Variants in CRTC1 observed in about 807,000 individuals in gnomAD.
CRTC1 encodes CREB regulated transcription coactivator 1.
CRTC1 carries 18 observed loss-of-function variants against 66.1 expected under a neutral mutation model. The ratio of observed to expected loss-of-function variants is 0.27; its 90% CI spans 0.19 to 0.40. The LOEUF is 0.40. Among genes scored for constraint, CRTC1 ranks in the 10% least tolerant of loss-of-function variants. The pLI, the probability that CRTC1 is intolerant of heterozygous loss-of-function variation, is 1.00. For synonymous variants in CRTC1, 416 were observed against 398.8 expected (o/e 1.04, Z -0.51); for missense variants, 669 against 887.9 (o/e 0.75, Z 3.13).
In CRTC1 at chr19:18,768,805, G is replaced by A. The variant is rs1337263494; in HGVS notation, c.1320+12G>A. ...TCGACATCGCCTCGGTAAGCCCAGG[G>A]TGGGGTCCCTCGGGGCCTGACTGGG... On this transcript the variant is annotated intron_variant, in intron 10 of 13. Coordinates refer to ENST00000321949, the MANE Select transcript of CRTC1 (RefSeq NM_015321.3). This position sits in a 1 kb window ranked among gnomAD's most constrained non-coding sequence, Gnocchi z 5.6. 1.9e-6 allele frequency: 3 copies of A among 1,590,462 alleles called. No individual in the cohort carries two copies. Among genetic ancestry groups the A allele is most frequent in the Non-Finnish European group, 2.6e-6 (3 of 1,169,590 alleles).
At chr19:18,721,684 G>A (rs977223856) in intron 1 of CRTC1, among the ~76,000 whole-genome samples, 4 of 151,910 alleles carry the variant, frequency 2.6e-5, no homozygotes, top group African/African-American at 9.7e-5. Context: ...TAGTAGAGAC[G>A]GGGTCTTGCT....
intron 4 of CRTC1, 21 bp downstream of exon 4, chr19:18,747,135 C>CT (rs775512010): frequency 5.9e-6 from 5 of 853,540 alleles, no homozygotes; most frequent in South Asian, 1.3e-5. Flanking sequence ...GGACACCCCC[C>CT]CCCCGCCCCC....
intron 1 of CRTC1, among the ~76,000 whole-genome samples, chr19:18,705,687 C>T (rs2145558463): frequency 6.6e-6 from 1 of 152,292 alleles, no homozygotes; most frequent in African/African-American, 2.4e-5. Flanking sequence ...TATGTTCCTA[C>T]CAACAGTGTA....
At chr19:18,709,457 G>T (rs1450599977) in intron 1 of CRTC1, among the ~76,000 whole-genome samples, 2 of 152,202 alleles carry the variant, frequency 1.3e-5, no homozygotes, top group African/African-American at 4.8e-5. Context: ...AGAGGGAGAA[G>T]CCTCCAGGCC....
intron 4 of CRTC1, among the ~76,000 whole-genome samples, chr19:18,747,574 G>C (rs1352109483): frequency 6.6e-6 from 1 of 152,016 alleles, no homozygotes; most frequent in Non-Finnish European, 1.5e-5. Context: ...CGGAGGTTGC[G>C]GTGAGCCAAG....
chr19:18,727,967 C>T (rs1020280368), intron 1 of CRTC1, among the ~76,000 whole-genome samples: 1 of 152,142 alleles, frequency 6.6e-6, no homozygotes, highest in African/African-American at 2.4e-5. Context: ...CTCAGGTGAT[C>T]CACCCACCTC....
Position 18,712,940 on chromosome 19 carries a change from A to C in CRTC1, c.126+29112A>C, listed in dbSNP as rs1052373149. ...GTGCCACTGCACTCCAGGCTGGGTGACGGAGCAAGACTGTCTCAAAAAAAA... is the reference window on the plus strand; with the variant it reads ...GTGCCACTGCACTCCAGGCTGGGTGCCGGAGCAAGACTGTCTCAAAAAAAA... On this transcript the variant is annotated intron_variant, in intron 1 of 13. Coordinates refer to ENST00000321949, the MANE Select transcript of CRTC1 (RefSeq NM_015321.3). Among the ~76,000 whole-genome samples, 44 of 151,072 alleles carry C rather than the reference A, an allele frequency of 2.9e-4. 1 individual carries two copies. Among genetic ancestry groups the C allele is most frequent in the Admixed American group, 1.9e-3 (29 of 15,174 alleles).
chr19:18,751,622 A>G (rs1184917277), intron 5 of CRTC1, among the ~76,000 whole-genome samples: 1 of 152,314 alleles, frequency 6.6e-6, no homozygotes, highest in East Asian at 1.9e-4. Flanking sequence ...CAGAGCCTCA[A>G]TTGATGCCCA....
intron 10 of CRTC1, among the ~76,000 whole-genome samples, chr19:18,769,522 G>A (rs552758637): frequency 1.5e-3 from 221 of 152,328 alleles, no homozygotes; most frequent in Non-Finnish European, 2.6e-3. Flanking sequence ...AAGAACAGCC[G>A]CCTGAGCTGG....
chr19:18,766,359 G>A (rs547152742), intron 9 of CRTC1, among the ~76,000 whole-genome samples: 3 of 145,654 alleles, frequency 2.1e-5, no homozygotes, highest in Non-Finnish European at 4.5e-5. Flanking sequence ...GGCTGGTCTC[G>A]AACTCCTGAC....
At chr19:18,756,687 G>T (rs975822099) in intron 6 of CRTC1, among the ~76,000 whole-genome samples, 1 of 152,086 alleles carries the variant, frequency 6.6e-6, no homozygotes, top group African/African-American at 2.4e-5. Flanking sequence ...GGGTAAGTAG[G>T]CCACGGTCCA....
At chr19:18,773,685 A>G (rs908139114) in intron 11 of CRTC1, among the ~76,000 whole-genome samples, 3 of 152,286 alleles carry the variant, frequency 2.0e-5, no homozygotes, top group South Asian at 2.1e-4. Flanking sequence ...TTTAGGGCCA[A>G]GATAGCATTT....
At chr19:18,740,490 C>CT (rs2054088041) in intron 1 of CRTC1, among the ~76,000 whole-genome samples, 1 of 152,176 alleles carries the variant, frequency 6.6e-6, no homozygotes, top group East Asian at 1.9e-4. Flanking sequence ...AGATGTCAAG[C>CT]TGATGTGCCC....
rs182898569 is a variant in CRTC1, at chr19:18,753,254, C to T, written c.539-246C>T. ...TTGTGCCACTGCACTCCAGCCTGGGCGACAGAGCGAGACTCCGTCTCTAAA... is the reference window on the plus strand; with the variant it reads ...TTGTGCCACTGCACTCCAGCCTGGGTGACAGAGCGAGACTCCGTCTCTAAA... On this transcript the variant is annotated intron_variant, in intron 5 of 13. Transcript: ENST00000321949. Among the ~76,000 whole-genome samples, 359 of 150,974 alleles carry T rather than the reference C, an allele frequency of 2.4e-3. 15 individuals are homozygous for T. The East Asian group carries it at 0.06, about 25-fold the overall frequency.
At chr19:18,697,543 C>G (rs2053022333) in intron 1 of CRTC1, among the ~76,000 whole-genome samples, 1 of 152,232 alleles carries the variant, frequency 6.6e-6, no homozygotes, top group Non-Finnish European at 1.5e-5. Context: ...CTTCTGACCT[C>G]AAGTAATTCT....
At position 18,781,863 on chromosome 19, in the gene CRTC1, A is replaced by G; in HGVS notation, c.*4481A>G. The G allele has an allele frequency of 4.4e-6, 1 of 229,844 alleles. No individual in the cohort carries two copies. The highest frequency in any genetic ancestry group is 8.6e-6 in the Non-Finnish European group (1 of 115,920). The allele number at this position is 229,844 out of a possible 1,614,324, so 14.2% of individuals were successfully genotyped here. A position where few individuals can be genotyped will look rare whatever the true frequency, so the allele number is the denominator to read the frequency against. ...AGGTGGCATGTGTTGGGGTCGGGGG[A>G]TGGCCCCCATCTCGAAGTGTTCTGG... On this transcript the variant is annotated 3_prime_UTR_variant, in exon 14 of 14. Coordinates refer to ENST00000321949, the MANE Select transcript of CRTC1 (RefSeq NM_015321.3).
At chr19:18,686,410 G>A (rs1187105108) in intron 1 of CRTC1, among the ~76,000 whole-genome samples, 1 of 152,222 alleles carries the variant, frequency 6.6e-6, no homozygotes, top group Non-Finnish European at 1.5e-5. Flanking sequence ...CACTTTGGGA[G>A]GCCAAGGTGA....
At chr19:18,685,514 G>A (rs1254690891) in intron 1 of CRTC1, among the ~76,000 whole-genome samples, 4 of 152,082 alleles carry the variant, frequency 2.6e-5, no homozygotes, top group African/African-American at 7.2e-5. Flanking sequence ...AAAATTAGCC[G>A]GACGTGGTGG....
Position 18,777,105 on chromosome 19 carries a change from G to A in CRTC1, c.1694-66G>A, listed in dbSNP as rs2055006289. On this transcript the variant is annotated intron_variant, in intron 13 of 13. Transcript: ENST00000321949. This position sits in a 1 kb window ranked among gnomAD's most constrained non-coding sequence, Gnocchi z 5.5. ...GTCGCCCGGCGGGCATGCCTGGTCC[G>A]ACACATGGATGCGAGCGATGGAGCC... The A allele has an allele frequency of 1.8e-5, 17 of 921,490 alleles. No individual in the cohort carries two copies. Among genetic ancestry groups the A allele is most frequent in the East Asian group, 2.4e-5 (1 of 41,406 alleles). 57.1% of individuals were successfully genotyped at this position (921,490 alleles called of 1,614,324 possible). A position where few individuals can be genotyped will look rare whatever the true frequency, so the allele number is the denominator to read the frequency against.
Sources: gnomAD v4.1 joint callset for allele counts (sites outside exome capture counted in the v4.1 genomes callset) on GRCh38, gnomAD v4.1.1 for gene constraint, Gnocchi (gnomAD v3.1) non-coding constraint, MANE v1.5 for transcripts, NCBI Gene and HGNC (gene_info 2026-07-23, HGNC 2026-07-21) for gene names.